The following TNFSF13B variants were observed in gnomAD, a reference collection of about 807,000 sequenced individuals.
TNFSF13B encodes the protein tumor necrosis factor ligand superfamily member 13B.
Under a neutral mutation model 29.1 loss-of-function variants are expected in TNFSF13B, and 8 were observed. The ratio of observed to expected loss-of-function variants is 0.27; its 90% CI spans 0.16 to 0.50. The LOEUF (loss-of-function observed/expected upper bound fraction) is 0.50, where lower values mean the gene tolerates loss of function less well. TNFSF13B is among the 20% of genes least tolerant of loss of function. The pLI, the probability that TNFSF13B is intolerant of heterozygous loss-of-function variation, is 0.98. For synonymous variants in TNFSF13B, 125 were observed against 130.8 expected (o/e 0.96, Z 0.30); for missense variants, 248 against 334.9 (o/e 0.74, Z 2.03).
chr13:108,290,305 G>A lies in TNFSF13B; in HGVS notation c.481+3446G>A, dbSNP rs866217204. Among the ~76,000 whole-genome samples, 3 of 152,146 alleles carry A rather than the reference G, an allele frequency of 2.0e-5. 1 individual carries two copies. The Middle Eastern group carries it at 0.01, about 518-fold the overall frequency. ...CCAGTCTCCTACCAATAGACTTCTT[G>A]GTGTCCATCTTTTGCAATGCAGGTG... is the stretch of plus-strand genomic sequence containing the variant. On this transcript the variant is annotated intron_variant, in intron 3 of 5. Coordinates refer to ENST00000375887, the MANE Select transcript of TNFSF13B (RefSeq NM_006573.5).
chr13:108,283,221 C>G lies in TNFSF13B; in HGVS notation c.425-3582C>G, dbSNP rs9587548. On this transcript the variant is annotated intron_variant, in intron 2 of 5. Transcript: ENST00000375887. The stretch of plus-strand genomic sequence containing the variant: ...ATAGTTGAAATTCGATAATAGCTAT[C>G]AAATTTCCTAAAGCGAATTGCCTTG... Among the ~76,000 whole-genome samples the G allele has an allele frequency of 8.0e-3, 1,225 of 152,250 alleles. 19 individuals carry two copies. The highest frequency in any genetic ancestry group is 0.027 in the African/African-American group (1,138 of 41,530).
At chr13:108,296,995 T>A (rs922374240) in intron 3 of TNFSF13B, among the ~76,000 whole-genome samples, 4 of 145,850 alleles carry the variant, frequency 2.7e-5, no homozygotes, top group Non-Finnish European at 4.6e-5. Context: ...AAACTAAAAA[T>A]ACACTTACAA....
At position 108,286,799 on chromosome 13, in the gene TNFSF13B, T is replaced by C. The variant is rs1881151003; in HGVS notation, c.425-4T>C. ...AACTAAAATGATAAATTTTTGCTTT[T>C]TAGTCACTCAAGACTGCTTGCAACT... On this transcript the variant is annotated splice_region_variant and splice_polypyrimidine_tract_variant and intron_variant, in intron 2 of 5. Coordinates refer to ENST00000375887, the MANE Select transcript of TNFSF13B (RefSeq NM_006573.5). 6.4e-7 allele frequency: 1 copy of C among 1,556,812 alleles called. No individual in the cohort carries two copies. Among genetic ancestry groups the C allele is most frequent in the Admixed American group, 1.8e-5 (1 of 55,552 alleles).
intron 5 of TNFSF13B, 147 bp downstream of exon 5, chr13:108,303,751 T>A: frequency 1.2e-6 from 1 of 816,978 alleles, no homozygotes; most frequent in South Asian, 1.9e-5. Context: ...GTTTTTTAAA[T>A]CTTGAATAAT....
intron 2 of TNFSF13B, among the ~76,000 whole-genome samples, chr13:108,271,529 A>G (rs1208120260): frequency 3.3e-5 from 5 of 151,604 alleles, no homozygotes; most frequent in Admixed American, 2.6e-4. Flanking sequence ...TTTTGACTAT[A>G]TGCTTTATTC....
intron 3 of TNFSF13B, 85 bp from the exon 4 acceptor site, chr13:108,303,168 G>T: frequency 1.3e-5 from 11 of 831,454 alleles, no homozygotes; most frequent in South Asian, 2.0e-5. Context: ...TATCTTCTAA[G>T]TTTCAGAGGT....
At position 108,282,735 on chromosome 13, in the gene TNFSF13B, T is replaced by C. The variant is rs79769172; in HGVS notation, c.425-4068T>C. Among the ~76,000 whole-genome samples the C allele has an allele frequency of 1.5e-3, 229 of 152,332 alleles. 1 individual carries two copies. The highest frequency in any genetic ancestry group is 0.01 in the Middle Eastern group (3 of 294). ...TGTAAAACGGCATTTTATAAGATTA[T>C]GTATTTTACACATTATTACATCATA... On this transcript the variant is annotated intron_variant, in intron 2 of 5. Coordinates refer to ENST00000375887, the MANE Select transcript of TNFSF13B (RefSeq NM_006573.5).
chr13:108,282,640 A>T (rs779075656), intron 2 of TNFSF13B, among the ~76,000 whole-genome samples: 8 of 152,114 alleles, frequency 5.3e-5, no homozygotes, highest in Admixed American at 1.3e-4. Context: ...ACATTTTGTG[A>T]TCATTATAAT....
intron 5 of TNFSF13B, among the ~76,000 whole-genome samples, chr13:108,305,954 T>A (rs1476241330): frequency 6.6e-6 from 1 of 152,188 alleles, no homozygotes; most frequent in African/African-American, 2.4e-5. Flanking sequence ...ATTCTAAAAA[T>A]AGCCACAAGT....
chr13:108,282,873 T>A (rs1038228329), intron 2 of TNFSF13B, among the ~76,000 whole-genome samples: 1 of 152,210 alleles, frequency 6.6e-6, no homozygotes, highest in Non-Finnish European at 1.5e-5. Flanking sequence ...TAAAAAAAAC[T>A]ATTCTTAACC....
At chr13:108,272,874 A>C (rs1880659209) in intron 2 of TNFSF13B, among the ~76,000 whole-genome samples, 1 of 152,096 alleles carries the variant, frequency 6.6e-6, no homozygotes. Context: ...AAAAAGATGT[A>C]GACTCATTTC....
Position 108,286,801 on chromosome 13 carries a change from A to T in TNFSF13B, c.425-2A>T. On this transcript the variant is annotated splice_acceptor_variant, in intron 2 of 5. Transcript: ENST00000375887. LOFTEE classifies it high-confidence loss of function. The stretch of plus-strand genomic sequence containing the variant: ...CTAAAATGATAAATTTTTGCTTTTT[A>T]GTCACTCAAGACTGCTTGCAACTGA... 1 of 1,557,696 alleles carries T rather than the reference A, an allele frequency of 6.4e-7. No homozygotes were observed. Among genetic ancestry groups the T allele is most frequent in the Non-Finnish European group, 8.7e-7 (1 of 1,145,592 alleles).
chr13:108,286,446 T>C (rs1019671731), intron 2 of TNFSF13B, among the ~76,000 whole-genome samples: 3 of 152,116 alleles, frequency 2.0e-5, no homozygotes, highest in Admixed American at 1.3e-4. Context: ...CCAAAGATTG[T>C]TTAGAATGTT....
intron 3 of TNFSF13B, among the ~76,000 whole-genome samples, chr13:108,300,790 C>T (rs1466823707): frequency 6.6e-6 from 1 of 152,148 alleles, no homozygotes; most frequent in Non-Finnish European, 1.5e-5. Context: ...TGGTGAGAGA[C>T]AGTGACAGAG....
intron 3 of TNFSF13B, 108 bp downstream of exon 3, chr13:108,286,967 A>C: frequency 1.6e-6 from 1 of 624,698 alleles, no homozygotes; most frequent in African/African-American, 1.9e-5. Flanking sequence ...GCAGCCATAA[A>C]AAATGATGAG....
At position 108,306,956 on chromosome 13, in the gene TNFSF13B, T is replaced by TAA; in HGVS notation, c.*18_*19insAA. 1 of 1,403,196 alleles carries TAA rather than the reference T, an allele frequency of 7.1e-7. No individual in the cohort carries two copies. Among genetic ancestry groups the TAA allele is most frequent in the Non-Finnish European group, 9.9e-7 (1 of 1,012,588 alleles). The allele number at this position is 1,403,196 out of a possible 1,614,324, so 86.9% of individuals were successfully genotyped here. ...TGCTGTGACCTACTTACACCATGTC[T>TAA]GTAGCTATTTTCCTCCCTTTCTCTG... On this transcript the variant is annotated 3_prime_UTR_variant, in exon 6 of 6. Transcript: ENST00000375887.
intron 2 of TNFSF13B, among the ~76,000 whole-genome samples, chr13:108,281,118 T>C (rs906625895): frequency 5.9e-5 from 9 of 152,170 alleles, no homozygotes; most frequent in South Asian, 2.1e-4. Context: ...TGGTGGCACA[T>C]GCCTGTAATC....
chr13:108,305,417 G>A (rs551225170), intron 5 of TNFSF13B, among the ~76,000 whole-genome samples: 15 of 152,124 alleles, frequency 9.9e-5, no homozygotes, highest in South Asian at 2.1e-4. Flanking sequence ...CTGTAATCTG[G>A]AAGAATTGAA....
chr13:108,281,950 G>A (rs1028086118), intron 2 of TNFSF13B, among the ~76,000 whole-genome samples: 1 of 151,602 alleles, frequency 6.6e-6, no homozygotes. Context: ...TTCTGCCACT[G>A]ATTATTTATT....
Sources: gnomAD v4.1 joint callset for allele counts (sites outside exome capture counted in the v4.1 genomes callset) on GRCh38, gnomAD v4.1.1 for gene constraint, MANE v1.5 for transcripts, NCBI Gene and HGNC (gene_info 2026-07-23, HGNC 2026-07-21) for gene names.